The following CHD4 variants were observed in gnomAD, a reference collection of about 807,000 sequenced individuals.
CHD4 encodes chromodomain helicase DNA binding protein 4, also known as ATP-dependent chromatin remodeler CHD4.
Under a neutral mutation model 235.5 loss-of-function variants are expected in CHD4, and 35 were observed. The observed-to-expected ratio is 0.15, with a 90% CI of 0.11 to 0.20. CHD4 has a LOEUF of 0.20. Among genes scored for constraint, CHD4 ranks in the 10% least tolerant of loss-of-function variants. CHD4 has a pLI of 1.00. For synonymous variants in CHD4, 900 were observed against 850.2 expected, an observed-to-expected ratio of 1.06 and a Z score of -1.02; for missense variants, 1,329 against 2,432.3, an observed-to-expected ratio of 0.55 and a Z score of 9.54.
rs1592283945 is a variant in CHD4 at position 6,602,511 on chromosome 12, G to C, written c.101-14C>G. The stretch of plus-strand genomic sequence containing the variant: ...CCTCTTCATTTTCTACATATATTTG[G>C]CAAAGAGTGGTAGGCAGGGAAAAGA... On this transcript the variant is annotated splice_polypyrimidine_tract_variant and intron_variant, in intron 2 of 39. Transcript: ENST00000544040. The C allele has an allele frequency of 7.5e-6, 12 of 1,610,308 alleles. No homozygotes were observed. The highest frequency in any genetic ancestry group is 1.0e-5 in the Non-Finnish European group (12 of 1,179,192).
chr12:6,586,532 C>T (rs1344906475), intron 25 of CHD4, among the ~76,000 whole-genome samples: 2 of 152,146 alleles, frequency 1.3e-5, no homozygotes, highest in South Asian at 2.1e-4. Context: ...CAAGACCATC[C>T]TGGGCAACAT....
chr12:6,591,830 G>C lies in CHD4; in HGVS notation c.3091-5C>G. The C allele has an allele frequency of 6.2e-7, 1 of 1,613,966 alleles. No individual in the cohort carries two copies. The highest frequency in any genetic ancestry group is 8.5e-7 in the Non-Finnish European group (1 of 1,179,974). On this transcript the variant is annotated splice_region_variant and splice_polypyrimidine_tract_variant and intron_variant, in intron 20 of 39. Transcript: ENST00000544040. ...ATTAGGCATCTTAGGAGCTTCCTGA[G>C]AACAAATGCAAAGAAAAAAGTATTA... is the stretch of plus-strand genomic sequence containing the variant.
chr12:6,578,986 C>T, intron 33 of CHD4, 69 bp from the exon 34 acceptor site: 21 of 1,426,262 alleles, frequency 1.5e-5, no homozygotes, highest in East Asian at 2.3e-5. Flanking sequence ...ACACTATTAT[C>T]CAATTGGATA....
intron 25 of CHD4, chr12:6,587,085 G>A (rs1373191975): frequency 2.9e-6 from 1 of 343,426 alleles, no homozygotes; most frequent in South Asian, 4.4e-5. Context: ...AGATGAGGTA[G>A]CATTCAAAAT....
At chr12:6,605,589 G>A (rs1458256247) in intron 2 of CHD4, among the ~76,000 whole-genome samples, 6 of 152,072 alleles carry the variant, frequency 3.9e-5, no homozygotes. Context: ...TAGGAAAAAA[G>A]CCAAAACTAT....
At chr12:6,580,715 A>AAAAAAAAACAAAAC (rs1948168810) in intron 33 of CHD4, 2 of 226,892 alleles carry the variant, frequency 8.8e-6, no homozygotes, top group African/African-American at 2.7e-5. Context: ...AAAAAAAAAA[A>AAAAAAAAACAAAAC]AAAAAAAAAA....
At chr12:6,587,979 A>G (rs1249610627) in intron 23 of CHD4, 30 bp from the exon 24 acceptor site, 2 of 1,596,536 alleles carry the variant, frequency 1.3e-6, no homozygotes, top group South Asian at 2.2e-5. Context: ...AAAGCCAGAA[A>G]TTGTATTTTC....
At chr12:6,584,576 AT>A (rs1344464142) in intron 25 of CHD4, 1 of 152,108 alleles carries the variant, frequency 6.6e-6, no homozygotes, top group African/African-American at 2.4e-5. Flanking sequence ...TAGAGACGGA[AT>A]TTTACCATGT....
intron 22 of CHD4, 34 bp downstream of exon 22, chr12:6,591,432 G>C: frequency 6.5e-7 from 1 of 1,533,212 alleles, no homozygotes; most frequent in Non-Finnish European, 9.0e-7. Context: ...AGCAAATGAG[G>C]ATTCCTGAAA....
intron 30 of CHD4, 138 bp downstream of exon 30, chr12:6,581,999 C>T (rs544435936): frequency 4.4e-5 from 51 of 1,147,560 alleles, no homozygotes; most frequent in East Asian, 2.9e-4. Context: ...GATGGGGTTT[C>T]GCCATGTTGA....
At position 6,581,310 on chromosome 12, in the gene CHD4, G is replaced by A. The variant is rs750355009; in HGVS notation, c.4760C>T (p.Ala1587Val). ...IEGEKEVKST[A>V]PETAIECTQA... ...TCTTACCTCAATGGCAGTCTCAGGG[G>A]CTGTAGATTTAACCTCCTTTTCTCC... Residue 1587 changes from alanine (A) to valine (V), a missense_variant, in exon 32 of 40, where the codon GCC (alanine) becomes GTC (valine). This residue lies in a region of CHD4 where 219 missense variants were observed against 219.3 expected (regional missense o/e 1.00). Transcript: ENST00000544040. 3 of 1,613,988 alleles carry A rather than the reference G, an allele frequency of 1.9e-6. No homozygotes were observed. The highest frequency in any genetic ancestry group is 1.7e-5 in the Admixed American group (1 of 59,988).
intron 2 of CHD4, among the ~76,000 whole-genome samples, chr12:6,605,893 G>C (rs193289474): frequency 3.5e-4 from 53 of 152,284 alleles, no homozygotes; most frequent in Middle Eastern, 3.4e-3. Context: ...CAGATGCCCG[G>C]CTGGTCTTTC....
intron 37 of CHD4, among the ~76,000 whole-genome samples, chr12:6,575,087 C>A (rs1354452194): frequency 6.6e-6 from 1 of 151,748 alleles, no homozygotes; most frequent in Admixed American, 6.5e-5. Context: ...TTTCACACAA[C>A]AAAGATGGAG....
chr12:6,605,178 G>A (rs1277310065), intron 2 of CHD4, among the ~76,000 whole-genome samples: 5 of 152,290 alleles, frequency 3.3e-5, no homozygotes, highest in South Asian at 2.1e-4. Context: ...AAGCTAAGAA[G>A]AGAGAAGGCA....
chr12:6,572,620 A>T (rs67013744), intron 38 of CHD4, among the ~76,000 whole-genome samples: 1 of 151,656 alleles, frequency 6.6e-6, no homozygotes, highest in Non-Finnish European at 1.5e-5. Context: ...GCAATGGCAC[A>T]ATCTTGGCTC....
intron 2 of CHD4, among the ~76,000 whole-genome samples, chr12:6,605,004 C>G (rs995184680): frequency 6.6e-6 from 1 of 152,162 alleles, no homozygotes; most frequent in Non-Finnish European, 1.5e-5. Flanking sequence ...GAAATCTGCC[C>G]CCTACTCTAC....
At chr12:6,604,370 C>G (rs1948653261) in intron 2 of CHD4, among the ~76,000 whole-genome samples, 1 of 152,172 alleles carries the variant, frequency 6.6e-6, no homozygotes, top group Non-Finnish European at 1.5e-5. Context: ...TGGCTCCCCA[C>G]TTCCTGAGCT....
chr12:6,596,434 G>C (rs1948496968), intron 12 of CHD4, among the ~76,000 whole-genome samples: 1 of 151,216 alleles, frequency 6.6e-6, no homozygotes, highest in African/African-American at 2.4e-5. Context: ...CAGATCGCTT[G>C]AGGCCAGGAG....
In CHD4 at chr12:6,593,596, G is replaced by A. The variant is rs1565612532; in HGVS notation, c.2334C>T (p.Phe778=). 3 of 1,614,144 alleles carry A rather than the reference G, an allele frequency of 1.9e-6. No homozygotes were observed. The highest frequency in any genetic ancestry group is 2.2e-5 in the South Asian group (2 of 91,086). Residue 778 remains phenylalanine (F), a synonymous_variant, in exon 16 of 40, where the codon TTC becomes TTT. Coordinates refer to ENST00000544040, the MANE Select transcript of CHD4 (RefSeq NM_001273.5). This position sits in a 1 kb window ranked among gnomAD's most constrained non-coding sequence, Gnocchi z 4.9. ...TGGTAGAAAGAGGGGCGCTCACTAG[G>A]AAGGGGCCTTTGGAATGACCCTTTG... ...LYKEGHSKGP[F]LVSAPLSTII...
Sources: allele counts gnomAD v4.1 joint callset (sites outside exome capture counted in the v4.1 genomes callset), GRCh38; gene constraint gnomAD v4.1.1; regional missense constraint gnomAD v4.1.1; non-coding constraint Gnocchi (gnomAD v3.1); transcripts MANE v1.5; gene names NCBI Gene and HGNC (gene_info 2026-07-23, HGNC 2026-07-21).